SPON1: variants seen among roughly 807,000 people sequenced by gnomAD.
The protein encoded by SPON1 is spondin 1.
In SPON1, 52 loss-of-function variants were observed where a neutral mutation model predicts 111.7. The ratio of observed to expected loss-of-function variants is 0.47; its 90% CI spans 0.37 to 0.59. SPON1 has a LOEUF of 0.59. Ranked by LOEUF, SPON1 falls within the 20% of genes least tolerant of loss-of-function variation. The probability of loss-of-function intolerance (pLI) is 0.00; values close to 1 mark genes in which losing one functional copy is unlikely to be tolerated. For synonymous variants in SPON1, 410 were observed against 395.8 expected (o/e 1.04, Z -0.43); for missense variants, 957 against 1,068.5 (o/e 0.90, Z 1.46).
At position 14,160,917 on chromosome 11, in the gene SPON1, T is replaced by TTATATATTTATA. The variant is rs1564919729; in HGVS notation, c.825+25353_825+25364dup. On this transcript the variant is annotated intron_variant, in intron 6 of 15. Coordinates refer to ENST00000576479, the MANE Select transcript of SPON1 (RefSeq NM_006108.4). ...TATATTTATATATTTATATATATAT[T>TTATATATTTATA]TATATATTTATATATTTATATATAT... Among the ~76,000 whole-genome samples, 144 of 41,492 alleles carry TTATATATTTATA rather than the reference T, an allele frequency of 3.5e-3. 3 individuals carry two copies. The highest frequency in any genetic ancestry group is 0.013 in the African/African-American group (134 of 10,068). The allele number at this position is 41,492 out of a possible 152,430, so 27.2% of individuals were successfully genotyped here. A position where few individuals can be genotyped will look rare whatever the true frequency, so the allele number is the denominator to read the frequency against.
rs113035392 is a variant in SPON1, at chr11:14,005,878, T to C, written c.345+22925T>C. ...CTGGGTTCAAATCCTGAATCTACAATTCTGCTCTATGACCTCTCTAAGGCT... is the reference window on the plus strand; with the variant it reads ...CTGGGTTCAAATCCTGAATCTACAACTCTGCTCTATGACCTCTCTAAGGCT... On this transcript the variant is annotated intron_variant, in intron 2 of 15. Coordinates refer to ENST00000576479, the MANE Select transcript of SPON1 (RefSeq NM_006108.4). Among the ~76,000 whole-genome samples the C allele has an allele frequency of 5.3e-3, 800 of 152,290 alleles. 9 individuals are homozygous for C. Among genetic ancestry groups the C allele is most frequent in the African/African-American group, 0.018 (739 of 41,548 alleles).
At chr11:14,077,660 A>C (rs1329373597) in intron 4 of SPON1, among the ~76,000 whole-genome samples, 4 of 151,828 alleles carry the variant, frequency 2.6e-5, no homozygotes, top group Non-Finnish European at 5.9e-5. Context: ...CTGTCTCACA[A>C]GTAAGATCTA....
At chr11:14,233,902 A>G (rs142155978) in intron 6 of SPON1, among the ~76,000 whole-genome samples, 175 of 151,610 alleles carry the variant, frequency 1.2e-3, no homozygotes, top group African/African-American at 3.9e-3. Flanking sequence ...AGCTGGGATT[A>G]CAGGTGCCCG....
At chr11:14,206,428 T>A (rs983817343) in intron 6 of SPON1, among the ~76,000 whole-genome samples, 1 of 152,204 alleles carries the variant, frequency 6.6e-6, no homozygotes, top group Admixed American at 6.5e-5. Context: ...CCTGACCTCG[T>A]GATCCGCCCA....
At chr11:14,233,374 G>T (rs1030684752) in intron 6 of SPON1, among the ~76,000 whole-genome samples, 1 of 152,018 alleles carries the variant, frequency 6.6e-6, no homozygotes, top group Non-Finnish European at 1.5e-5. Context: ...TCCCCAGCTT[G>T]CCCCACTCCA....
chr11:14,128,317 A>C (rs1182387713), intron 5 of SPON1, among the ~76,000 whole-genome samples: 2 of 152,232 alleles, frequency 1.3e-5, no homozygotes, highest in African/African-American at 2.4e-5. Flanking sequence ...AATTGGGTAG[A>C]TGCTCCCATT....
intron 2 of SPON1, among the ~76,000 whole-genome samples, chr11:13,988,419 G>C (rs1848202207): frequency 6.6e-6 from 1 of 152,176 alleles, no homozygotes; most frequent in Non-Finnish European, 1.5e-5. Context: ...CTGAGACTTT[G>C]CTGAAGTTGC....
intron 7 of SPON1, 79 bp from the exon 8 acceptor site, chr11:14,254,449 A>G (rs937834598): frequency 7.0e-6 from 9 of 1,287,992 alleles, no homozygotes; most frequent in Non-Finnish European, 8.5e-6. Context: ...CTCATTCTTC[A>G]TAATCCAGGC....
intron 10 of SPON1, 48 bp downstream of exon 10, chr11:14,256,740 C>A: frequency 6.8e-7 from 1 of 1,476,110 alleles, no homozygotes; most frequent in Non-Finnish European, 9.4e-7. Context: ...TTGACATAAC[C>A]CTTTGAGAAA....
chr11:14,259,444 G>C lies in SPON1; in HGVS notation c.1657G>C (p.Glu553Gln), dbSNP rs781851010. The change falls in exon 12 of 16, where the codon GAG becomes CAG. Residue 553 changes from glutamate to glutamine, a missense_variant. Physicochemically the swap from Glu to Gln is conservative, Grantham distance 29. Around this residue, in one of 5 missense-constraint regions of SPON1, gnomAD observed 549 missense variants for 606.2 expected, o/e 0.91. Transcript: ENST00000576479. This position sits in a 1 kb window ranked among gnomAD's most constrained non-coding sequence, Gnocchi z 5.0. ...AACGGAGAAGTGCACGGTCAACGAG[G>C]AGTGCTGTGAGTGGGGGCCCCGGGC... ...EETEKCTVNE[E>Q]CSPSSCLMTE... 1.4e-5 allele frequency: 23 copies of C among 1,607,120 alleles called. No individual in the cohort carries two copies. In the African/African-American group the frequency reaches 3.1e-4, roughly 21 times the overall value.
chr11:14,214,284 G>A (rs1231163790), intron 6 of SPON1, among the ~76,000 whole-genome samples: 1 of 152,148 alleles, frequency 6.6e-6, no homozygotes, highest in African/African-American at 2.4e-5. Flanking sequence ...AATTCCCTGT[G>A]TTATCCACCC....
chr11:14,255,777 T>A lies in SPON1; in HGVS notation c.1223T>A (p.Ile408Asn). The A allele has an allele frequency of 6.2e-7, 1 of 1,613,764 alleles. No individual in the cohort carries two copies. The highest frequency in any genetic ancestry group is 8.5e-7 in the Non-Finnish European group (1 of 1,179,846). The change falls in exon 9 of 16, where the codon ATC (isoleucine) becomes AAC (asparagine). Residue 408 changes from isoleucine (I) to asparagine (N), a missense_variant. Transcript: ENST00000576479. ...TQVARVVIER[I>N]ARKGEQCNIV... ...GTAGCCAGAGTTGTCATCGAGAGAA[T>A]CGCACGGAAGGTACTGGGTTAGAAC...
intron 6 of SPON1, among the ~76,000 whole-genome samples, chr11:14,167,732 A>G (rs1428173892): frequency 6.6e-6 from 1 of 152,168 alleles, no homozygotes; most frequent in African/African-American, 2.4e-5. Context: ...TAATTTTCTA[A>G]GAAAACCCTG....
chr11:14,178,152 A>G (rs1554933307), intron 6 of SPON1, among the ~76,000 whole-genome samples: 1 of 151,912 alleles, frequency 6.6e-6, no homozygotes. Flanking sequence ...TCTTCAATTA[A>G]ATGAATGTTT....
intron 6 of SPON1, among the ~76,000 whole-genome samples, chr11:14,160,865 ATATTTTTATATTTT>A (rs1554931064): frequency 2.2e-5 from 1 of 45,414 alleles, no homozygotes; most frequent in African/African-American, 8.9e-5. Flanking sequence ...ATATATTTAT[ATATTTTTATATTTT>A]TATATATTTA....
intron 2 of SPON1, among the ~76,000 whole-genome samples, chr11:14,030,433 G>A (rs375188996): frequency 1.2e-4 from 18 of 152,238 alleles, no homozygotes; most frequent in African/African-American, 3.1e-4. Flanking sequence ...CCACATGCCC[G>A]GTGCCAGAGG....
At chr11:14,175,106 C>G (rs2133884287) in intron 6 of SPON1, among the ~76,000 whole-genome samples, 1 of 152,244 alleles carries the variant, frequency 6.6e-6, no homozygotes, top group East Asian at 1.9e-4. Context: ...AGGAATCATT[C>G]CAGAAGCCAA....
intron 6 of SPON1, among the ~76,000 whole-genome samples, chr11:14,204,709 G>GT (rs1554935993): frequency 2.7e-4 from 31 of 116,616 alleles, no homozygotes; most frequent in African/African-American, 9.6e-4. Context: ...GTTTGTTTTT[G>GT]GTTTTTTTTT....
chr11:14,129,458 C>A (rs76945883), intron 5 of SPON1, among the ~76,000 whole-genome samples: 3,714 of 152,114 alleles, frequency 0.024, 157 homozygotes, highest in African/African-American at 0.084. Context: ...CGTTTACTCC[C>A]GTTCCCAAGA....
Sources: allele counts gnomAD v4.1 joint callset (sites outside exome capture counted in the v4.1 genomes callset), GRCh38; gene constraint gnomAD v4.1.1; regional missense constraint gnomAD v4.1.1; non-coding constraint Gnocchi (gnomAD v3.1); transcripts MANE v1.5; gene names NCBI Gene and HGNC (gene_info 2026-07-23, HGNC 2026-07-21).